The following PCDHA1 variants were observed in gnomAD, a reference collection of about 807,000 sequenced individuals.
PCDHA1 encodes the protein protocadherin alpha 1, also known as protocadherin alpha-1.
A neutral mutation model predicts 61.3 loss-of-function variants in PCDHA1; 42 were observed. The observed-to-expected ratio is 0.69, with a 90% confidence interval of 0.54 to 0.89. The LOEUF (loss-of-function observed/expected upper bound fraction) is 0.89, where lower values mean the gene tolerates loss of function less well. PCDHA1 is among the 40% of genes least tolerant of loss of function. The pLI is 0.00. For missense variants in PCDHA1, 1,256 were observed against 1,235.3 expected, an observed-to-expected ratio of 1.02 and a Z score of -0.25; for synonymous variants, 610 against 553.8, an observed-to-expected ratio of 1.10 and a Z score of -1.43.
At position 141,009,749 on chromosome 5, in the gene PCDHA1, A is replaced by G. The variant is rs2098414176; in HGVS notation, c.2665A>G (p.Ile889Val). Residue 889 changes from isoleucine to valine, a missense_variant, in exon 4 of 4, where the codon ATT (isoleucine) becomes GTT (valine). Ile to Val is a conservative substitution (Grantham distance 29). Transcript: ENST00000504120. ...SGPGELPDKFIIPGSPAIISI... is the reference protein window; with the variant it reads ...SGPGELPDKFVIPGSPAIISI... The stretch of plus-strand genomic sequence containing the variant: ...TCCCGGTGAGTTGCCCGACAAATTC[A>G]TTATCCCAGGATCTCCTGCAATCAT... 3 of 1,614,200 alleles carry G rather than the reference A, an allele frequency of 1.9e-6. No homozygotes were observed. The highest frequency in any genetic ancestry group is 1.6e-4 in the Middle Eastern group (1 of 6,062).
In PCDHA1 at chr5:140,848,769, C is replaced by A. The variant is rs2150419947; in HGVS notation, c.2394+60085C>A. On this transcript the variant is annotated intron_variant, in intron 1 of 3. Coordinates refer to ENST00000504120, the MANE Select transcript of PCDHA1 (RefSeq NM_018900.4). ...TTTGTTTGTGAATTCTCGGATCGAC[C>A]GCGAGGAGCTGTGCGGGCGGAGCGC... 9.6e-5 allele frequency: 153 copies of A among 1,593,410 alleles called. 12 individuals are homozygous for A. The Admixed American group carries it at 1.9e-3, about 20-fold the overall frequency.
At chr5:140,893,117 T>C (rs536917492) in intron 1 of PCDHA1, among the ~76,000 whole-genome samples, 72 of 152,356 alleles carry the variant, frequency 4.7e-4, no homozygotes, top group South Asian at 1.2e-3. Flanking sequence ...GTTGTGCATA[T>C]ACACCACATT....
chr5:140,858,449 G>C, intron 1 of PCDHA1: 1 of 1,532,030 alleles, frequency 6.5e-7, no homozygotes, highest in East Asian at 2.4e-5. Context: ...GGGTTATTAC[G>C]TTTTCATTTT....
chr5:140,941,506 G>T (rs556309408), intron 1 of PCDHA1, among the ~76,000 whole-genome samples: 1 of 151,236 alleles, frequency 6.6e-6, no homozygotes, highest in South Asian at 2.1e-4. Flanking sequence ...TAGTAGAGAC[G>T]AGGTTTCACC....
chr5:140,884,563 T>TAAGACG (rs2060266286), intron 1 of PCDHA1: 9 of 1,614,032 alleles, frequency 5.6e-6, no homozygotes, highest in Non-Finnish European at 7.6e-6. Context: ...AGGGCCCGCA[T>TAAGACG]AAGACGGACC....
chr5:140,967,040 C>G, intron 1 of PCDHA1: 1 of 1,611,752 alleles, frequency 6.2e-7, no homozygotes, highest in South Asian at 1.1e-5. Flanking sequence ...CTACCTGGAG[C>G]TGGACCTGAC....
chr5:140,964,857 CAA>C (rs1352009406), intron 1 of PCDHA1, among the ~76,000 whole-genome samples: 5 of 152,088 alleles, frequency 3.3e-5, no homozygotes, highest in Admixed American at 3.3e-4. Context: ...CTTGAGGAAA[CAA>C]AGAGGACAAA....
intron 1 of PCDHA1, chr5:140,884,152 T>A: frequency 6.2e-7 from 1 of 1,613,450 alleles, no homozygotes; most frequent in Non-Finnish European, 8.5e-7. Context: ...GGCTGTACAC[T>A]GGCGAGATCA....
chr5:140,938,176 G>A (rs1554212021), intron 1 of PCDHA1, among the ~76,000 whole-genome samples: 1 of 152,088 alleles, frequency 6.6e-6, no homozygotes, highest in Non-Finnish European at 1.5e-5. Flanking sequence ...GAGCTCCTGG[G>A]CTCAAGCAAT....
At chr5:140,966,655 G>C in intron 1 of PCDHA1, 1 of 1,195,250 alleles carries the variant, frequency 8.4e-7, no homozygotes, top group South Asian at 2.0e-5. Context: ...CGTGAGCGGT[G>C]GGGGAGCAGG....
chr5:140,795,326 T>C lies in PCDHA1; in HGVS notation c.2394+6642T>C, dbSNP rs782107919. 3 of 1,613,978 alleles carry C rather than the reference T, an allele frequency of 1.9e-6. No individual in the cohort carries two copies. The African/African-American group carries it at 4.0e-5, about 22-fold the overall frequency. ...CCGCTGCAGGTTTTCCATGTGGAAGTGGAGGTGAAGGACATTAACGACAAC... is the reference window on the plus strand; with the variant it reads ...CCGCTGCAGGTTTTCCATGTGGAAGCGGAGGTGAAGGACATTAACGACAAC... On this transcript the variant is annotated intron_variant, in intron 1 of 3. Transcript: ENST00000504120.
intron 1 of PCDHA1, chr5:140,848,468 C>A: frequency 6.5e-7 from 1 of 1,547,824 alleles, no homozygotes; most frequent in African/African-American, 1.4e-5. Context: ...GCAATTTTCA[C>A]TAATTAGAAG....
rs199783721 is a variant in PCDHA1 at position 140,801,362 on chromosome 5, G to T, written c.2394+12678G>T. On this transcript the variant is annotated intron_variant, in intron 1 of 3. Coordinates refer to ENST00000504120, the MANE Select transcript of PCDHA1 (RefSeq NM_018900.4). Reference sequence around the variant, plus strand: ...GCATCGCGCAGGACCTGGGGCTGGAGCTGGCGGAGCTGGTGCCGCGCCTGT... The same window carrying T: ...GCATCGCGCAGGACCTGGGGCTGGATCTGGCGGAGCTGGTGCCGCGCCTGT... 6.0e-5 allele frequency: 96 copies of T among 1,613,440 alleles called. 1 individual carries two copies. In the South Asian group the frequency reaches 9.1e-4, roughly 15 times the overall value.
chr5:140,951,503 A>G (rs1554219922), intron 1 of PCDHA1, among the ~76,000 whole-genome samples: 1 of 151,992 alleles, frequency 6.6e-6, no homozygotes, highest in African/African-American at 2.4e-5. Flanking sequence ...AGGCAAAAGG[A>G]AAGCGGCTCA....
At chr5:141,007,095 G>A (rs1405401392) in intron 3 of PCDHA1, among the ~76,000 whole-genome samples, 2 of 152,208 alleles carry the variant, frequency 1.3e-5, no homozygotes, top group East Asian at 1.9e-4. Context: ...AGAGAGTCTA[G>A]GGCCAAACCC....
At chr5:140,969,010 A>C (rs782688503) in intron 1 of PCDHA1, 2 of 1,614,168 alleles carry the variant, frequency 1.2e-6, no homozygotes, top group Admixed American at 3.3e-5. Context: ...TCTGTGGAGT[A>C]AGGGAAAGGT....
intron 1 of PCDHA1, chr5:140,859,687 T>G (rs1196528150): frequency 1.3e-5 from 2 of 154,650 alleles, no homozygotes; most frequent in Non-Finnish European, 2.9e-5. Flanking sequence ...AAATTAAAAT[T>G]ATTGTTCAAG....
At chr5:140,874,134 C>T (rs2054725501) in intron 1 of PCDHA1, among the ~76,000 whole-genome samples, 1 of 152,122 alleles carries the variant, frequency 6.6e-6, no homozygotes, top group African/African-American at 2.4e-5. Flanking sequence ...TTTAAGTTAT[C>T]TTATACTTGT....
intron 3 of PCDHA1, among the ~76,000 whole-genome samples, chr5:140,997,397 A>G (rs782082443): frequency 4.6e-5 from 7 of 152,194 alleles, no homozygotes; most frequent in African/African-American, 7.2e-5. Flanking sequence ...CTTAGGCTCT[A>G]TCGTATGGCC....
Sources: gnomAD v4.1 joint callset for allele counts (sites outside exome capture counted in the v4.1 genomes callset) on GRCh38, gnomAD v4.1.1 for gene constraint, MANE v1.5 for transcripts, NCBI Gene and HGNC (gene_info 2026-07-23, HGNC 2026-07-21) for gene names.